The following BASP1 variants were observed in gnomAD, a reference collection of about 807,000 sequenced individuals.
BASP1 encodes the protein brain abundant membrane attached signal protein 1, also known as brain acid soluble protein 1.
A neutral mutation model predicts 2.2 loss-of-function variants in BASP1; 1 was observed. The observed-to-expected ratio is 0.46, with a 90% CI of 0.16 to 2.17. BASP1 has a LOEUF of 2.17. Ranked by LOEUF, BASP1 falls within the 30% of genes most tolerant of loss-of-function variation. BASP1 has a pLI of 0.27. For missense variants in BASP1, 352 were observed against 327.2 expected, an observed-to-expected ratio of 1.08 and a Z score of -0.58; for synonymous variants, 187 against 154.2, an observed-to-expected ratio of 1.21 and a Z score of -1.58.
intron 1 of BASP1, among the ~76,000 whole-genome samples, chr5:17,273,880 C>T (rs1031612870): frequency 3.3e-5 from 5 of 152,056 alleles, no homozygotes; most frequent in African/African-American, 1.2e-4. Flanking sequence ...ATTTCTGCCA[C>T]GCTTCATCCA....
At chr5:17,268,320 C>A (rs1740460256) in intron 1 of BASP1, among the ~76,000 whole-genome samples, 1 of 152,156 alleles carries the variant, frequency 6.6e-6, no homozygotes, top group South Asian at 2.1e-4. Flanking sequence ...TTGCTATCTA[C>A]TCTTCCACCT....
chr5:17,227,390 TTATA>T (rs10557138), intron 1 of BASP1, among the ~76,000 whole-genome samples: 5 of 142,118 alleles, frequency 3.5e-5, no homozygotes, highest in Non-Finnish European at 6.1e-5. Context: ...TGACTAATTT[TTATA>T]TATATATATA....
intron 1 of BASP1, among the ~76,000 whole-genome samples, chr5:17,241,337 T>G (rs1739859268): frequency 6.6e-6 from 1 of 152,154 alleles, no homozygotes; most frequent in Non-Finnish European, 1.5e-5. Flanking sequence ...AGGCCTCAAG[T>G]GATCTGCCTG....
intron 1 of BASP1, among the ~76,000 whole-genome samples, chr5:17,232,780 C>T (rs753287029): frequency 2.0e-5 from 3 of 152,058 alleles, no homozygotes; most frequent in African/African-American, 4.8e-5. Context: ...GATTTACTCC[C>T]CCTCCTCTTC....
chr5:17,218,313 G>T (rs959981140), intron 1 of BASP1, among the ~76,000 whole-genome samples: 1 of 151,850 alleles, frequency 6.6e-6, no homozygotes, highest in Non-Finnish European at 1.5e-5. Flanking sequence ...GGAGAAAGAA[G>T]ATGGGGAATC....
Position 17,275,739 on chromosome 5 carries a change from G to A in BASP1, c.523G>A (p.Gly175Ser), listed in dbSNP as rs777506068. Residue 175 changes from glycine to serine, a missense_variant, in exon 2 of 2, where the codon GGC becomes AGC. Coordinates refer to ENST00000322611, the MANE Select transcript of BASP1 (RefSeq NM_006317.5). The surrounding 1 kb of genome is among the most constrained non-coding windows in gnomAD (Gnocchi z 5.3). ...DGAPASDSKP[G>S]SSEAAPSSKE... ...GGCCCCAGCTTCAGACTCAAAACCC[G>A]GCAGCTCGGAGGCTGCCCCCTCTTC... 3 of 1,611,722 alleles carry A rather than the reference G, an allele frequency of 1.9e-6. No individual in the cohort carries two copies. The highest frequency in any genetic ancestry group is 4.5e-5 in the East Asian group (2 of 44,744).
intron 1 of BASP1, among the ~76,000 whole-genome samples, chr5:17,265,492 G>C (rs1157332494): frequency 6.6e-6 from 1 of 152,138 alleles, no homozygotes; most frequent in Non-Finnish European, 1.5e-5. Context: ...ATGCAGAAGG[G>C]CTCTTGAGAG....
Position 17,260,544 on chromosome 5 carries a change from G to T in BASP1, c.-9-14664G>T. 6.6e-6 allele frequency among the ~76,000 whole-genome samples: 1 copy of T among 152,240 alleles called. No homozygotes were observed. Among genetic ancestry groups the T allele is most frequent in the African/African-American group, 2.4e-5 (1 of 41,532 alleles). Reference sequence around the variant, plus strand: ...CATGGATGGCGCCTGGAACTTGACCGCATTTCATTTAATGCAACGGAAATT... The same window carrying T: ...CATGGATGGCGCCTGGAACTTGACCTCATTTCATTTAATGCAACGGAAATT... On this transcript the variant is annotated intron_variant, in intron 1 of 1. Transcript: ENST00000322611. This position sits in a 1 kb window ranked among gnomAD's most constrained non-coding sequence, Gnocchi z 4.2.
At chr5:17,254,571 G>A (rs922251532) in intron 1 of BASP1, among the ~76,000 whole-genome samples, 1 of 152,258 alleles carries the variant, frequency 6.6e-6, no homozygotes, top group African/African-American at 2.4e-5. Context: ...AGGGAGGTAA[G>A]TTGATAAAAG....
chr5:17,241,622 ACTT>A (rs1739864884), intron 1 of BASP1, among the ~76,000 whole-genome samples: 1 of 152,152 alleles, frequency 6.6e-6, no homozygotes, highest in Non-Finnish European at 1.5e-5. Context: ...TGTTCCTGTG[ACTT>A]CTTTAAGTGC....
At chr5:17,259,202 G>C (rs554524015) in intron 1 of BASP1, among the ~76,000 whole-genome samples, 1 of 152,302 alleles carries the variant, frequency 6.6e-6, no homozygotes, top group South Asian at 2.1e-4. Context: ...CAGGCAAAAA[G>C]AGAACTTGTG....
At chr5:17,259,282 G>A (rs1402047562) in intron 1 of BASP1, among the ~76,000 whole-genome samples, 2 of 152,124 alleles carry the variant, frequency 1.3e-5, no homozygotes, top group South Asian at 4.1e-4. Context: ...AACAGTGCAG[G>A]AAAGACCTGC....
Position 17,276,066 on chromosome 5 carries a change from A to ATTTTTT in BASP1, c.*168_*169insTTTTTT. The ATTTTTT allele has an allele frequency of 3.4e-6, 1 of 293,462 alleles. No homozygotes were observed. Among genetic ancestry groups the ATTTTTT allele is most frequent in the African/African-American group, 2.3e-5 (1 of 42,752 alleles). The allele number at this position is 293,462 out of a possible 1,614,324, so 18.2% of individuals were successfully genotyped here. A position where few individuals can be genotyped will look rare whatever the true frequency, so the allele number is the denominator to read the frequency against. Reference sequence around the variant, plus strand: ...TTTCAAATTGGAAGTAATGATATGTATTGCCCAAGGAAAAATACAGGATGT... The same window carrying ATTTTTT: ...TTTCAAATTGGAAGTAATGATATGTATTTTTTTTGCCCAAGGAAAAATACAGGATGT... On this transcript the variant is annotated 3_prime_UTR_variant, in exon 2 of 2. Transcript: ENST00000322611.
At chr5:17,241,818 TCCAA>T (rs1253373399) in intron 1 of BASP1, among the ~76,000 whole-genome samples, 2 of 152,086 alleles carry the variant, frequency 1.3e-5, no homozygotes, top group Non-Finnish European at 2.9e-5. Flanking sequence ...AAACAGAAGC[TCCAA>T]CCAAGAGCTG....
intron 1 of BASP1, among the ~76,000 whole-genome samples, chr5:17,226,159 A>T (rs1739499126): frequency 6.6e-6 from 1 of 152,252 alleles, no homozygotes; most frequent in Non-Finnish European, 1.5e-5. Flanking sequence ...TATTTTCATA[A>T]TGCTTTTAAT....
At chr5:17,219,099 C>T (rs1323979700) in intron 1 of BASP1, among the ~76,000 whole-genome samples, 2 of 151,920 alleles carry the variant, frequency 1.3e-5, no homozygotes, top group Admixed American at 6.6e-5. Context: ...TGTGGACCGA[C>T]CCCCCACCCC....
At chr5:17,217,404 G>GT (rs1561160978), upstream of BASP1, among the ~76,000 whole-genome samples, 7 of 7,190 alleles carry the variant, frequency 9.7e-4, no homozygotes, top group African/African-American at 0.01. Context: ...GTCTGCGCCG[G>GT]AGGAGGGGAG....
At chr5:17,227,431 T>G (rs926483541) in intron 1 of BASP1, among the ~76,000 whole-genome samples, 4 of 151,608 alleles carry the variant, frequency 2.6e-5, no homozygotes, top group Non-Finnish European at 5.9e-5. Context: ...TGACAGAGTC[T>G]CGCCGTGTCG....
At chr5:17,225,453 G>A (rs1217822425) in intron 1 of BASP1, among the ~76,000 whole-genome samples, 2 of 152,126 alleles carry the variant, frequency 1.3e-5, no homozygotes, top group African/African-American at 2.4e-5. Flanking sequence ...TTATGTGCAC[G>A]TGGTTTCCTT....
Sources: allele counts gnomAD v4.1 joint callset (sites outside exome capture counted in the v4.1 genomes callset), GRCh38; gene constraint gnomAD v4.1.1; non-coding constraint Gnocchi (gnomAD v3.1); transcripts MANE v1.5; gene names NCBI Gene and HGNC (gene_info 2026-07-23, HGNC 2026-07-21).